Variants in SGCZ observed in about 807,000 individuals in gnomAD.
SGCZ encodes the protein sarcoglycan zeta.
A neutral mutation model predicts 41.3 loss-of-function variants in SGCZ; 40 were observed. The ratio of observed to expected loss-of-function variants is 0.97; its 90% confidence interval spans 0.75 to 1.26. The LOEUF (loss-of-function observed/expected upper bound fraction) is 1.26, where lower values mean the gene tolerates loss of function less well. Ranked by LOEUF, SGCZ falls within the 50% of genes most tolerant of loss-of-function variation. The probability of loss-of-function intolerance (pLI) is 0.00; values close to 1 mark genes in which losing one functional copy is unlikely to be tolerated. For synonymous variants in SGCZ, 206 were observed against 137.5 expected, an observed-to-expected ratio of 1.50 and a Z score of -3.49; for missense variants, 552 against 369.8, an observed-to-expected ratio of 1.49 and a Z score of -4.04.
intron 5 of SGCZ, among the ~76,000 whole-genome samples, chr8:14,157,143 G>C (rs1049956854): frequency 6.6e-6 from 1 of 151,738 alleles, no homozygotes; most frequent in Admixed American, 6.6e-5. Context: ...GTTGTGCTCT[G>C]ACCTTAGGAT....
chr8:15,084,249 TA>T (rs1477054078), intron 1 of SGCZ, among the ~76,000 whole-genome samples: 1 of 152,214 alleles, frequency 6.6e-6, no homozygotes, highest in African/African-American at 2.4e-5. Context: ...CATCTTCTGA[TA>T]AGTATTTCTA....
At chr8:14,182,151 C>T (rs745606263) in intron 4 of SGCZ, among the ~76,000 whole-genome samples, 6 of 152,110 alleles carry the variant, frequency 3.9e-5, no homozygotes, top group Non-Finnish European at 7.4e-5. Context: ...TACTCAGGGA[C>T]TCTGACACAA....
chr8:14,149,490 C>T (rs1290365539), intron 5 of SGCZ, among the ~76,000 whole-genome samples: 1 of 151,806 alleles, frequency 6.6e-6, no homozygotes, highest in Non-Finnish European at 1.5e-5. Flanking sequence ...GTGATGGAAA[C>T]TATAAAACAC....
intron 1 of SGCZ, among the ~76,000 whole-genome samples, chr8:14,601,411 C>T (rs1805584901): frequency 6.6e-6 from 1 of 151,902 alleles, no homozygotes; most frequent in Non-Finnish European, 1.5e-5. Context: ...TATTAAAATA[C>T]AATAAATGGA....
chr8:14,356,513 A>G (rs1474507391), intron 2 of SGCZ, among the ~76,000 whole-genome samples: 1 of 152,218 alleles, frequency 6.6e-6, no homozygotes, highest in Non-Finnish European at 1.5e-5. Context: ...AAATGTCTTC[A>G]AGAATAAAGT....
intron 1 of SGCZ, among the ~76,000 whole-genome samples, chr8:14,732,837 G>A (rs762459132): frequency 3.9e-5 from 6 of 152,100 alleles, no homozygotes; most frequent in African/African-American, 1.2e-4. Flanking sequence ...ACATAACTAT[G>A]TACCACATCG....
intron 2 of SGCZ, among the ~76,000 whole-genome samples, chr8:14,381,284 T>A (rs951067230): frequency 6.6e-6 from 1 of 152,202 alleles, no homozygotes; most frequent in Admixed American, 6.5e-5. Flanking sequence ...GCTAGGAAGG[T>A]TCAGAGAGAG....
intron 4 of SGCZ, among the ~76,000 whole-genome samples, chr8:14,200,667 T>C (rs932730162): frequency 2.6e-5 from 4 of 152,094 alleles, no homozygotes; most frequent in Admixed American, 6.6e-5. Context: ...ATAGAAAAAA[T>C]AAGTCAAAAT....
At position 14,504,545 on chromosome 8, in the gene SGCZ, T is replaced by C. The variant is rs193265620; in HGVS notation, c.234+50187A>G. Among the ~76,000 whole-genome samples, 121 of 152,350 alleles carry C rather than the reference T, an allele frequency of 7.9e-4. 1 individual carries two copies. The highest frequency in any genetic ancestry group is 2.8e-3 in the African/African-American group (117 of 41,592). ...CTTTTATTATCTACCTGTTGTCACA[T>C]TGGCATGCCTTTCTTTCTTCTGCGT... is the stretch of plus-strand genomic sequence containing the variant. On this transcript the variant is annotated intron_variant, in intron 2 of 7. Coordinates refer to ENST00000382080, the MANE Select transcript of SGCZ (RefSeq NM_139167.4).
chr8:15,123,880 A>G (rs983447482), intron 1 of SGCZ, among the ~76,000 whole-genome samples: 11 of 151,986 alleles, frequency 7.2e-5, no homozygotes, highest in African/African-American at 2.7e-4. Flanking sequence ...GAATGGAAGA[A>G]GGAAGCAATG....
rs536141487 is a variant in SGCZ at position 15,195,166 on chromosome 8, A to G, written c.39+42419T>C. Among the ~76,000 whole-genome samples the G allele has an allele frequency of 2.6e-5, 4 of 152,306 alleles. No homozygotes were observed. In the South Asian group the frequency reaches 6.2e-4, roughly 24 times the overall value. On this transcript the variant is annotated intron_variant, in intron 1 of 7. Coordinates refer to ENST00000382080, the MANE Select transcript of SGCZ (RefSeq NM_139167.4). ...TAATACAGTCTCTAATCTAAGTCTT[A>G]TCTAGATCCCACTTCTTGCAGTGTC...
chr8:14,769,381 A>T (rs1334577698), intron 1 of SGCZ, among the ~76,000 whole-genome samples: 1 of 152,238 alleles, frequency 6.6e-6, no homozygotes, highest in Non-Finnish European at 1.5e-5. Context: ...AGAACAGAAT[A>T]ATGAGGACAG....
At chr8:14,099,945 CATCCATCATTTCATCCATCATTTT>C (rs1801961124) in intron 7 of SGCZ, among the ~76,000 whole-genome samples, 1 of 57,504 alleles carries the variant, frequency 1.7e-5, no homozygotes, top group African/African-American at 3.9e-5. Flanking sequence ...TTCTACATTT[CATCCATCATTTCATCCATCATTTT>C]AGATACCTCA....
chr8:14,615,783 C>T (rs189310142), intron 1 of SGCZ, among the ~76,000 whole-genome samples: 2 of 152,248 alleles, frequency 1.3e-5, no homozygotes, highest in Admixed American at 6.5e-5. Context: ...CTCTGTACCT[C>T]GCAACACAGA....
intron 1 of SGCZ, among the ~76,000 whole-genome samples, chr8:14,957,598 G>A (rs1800832856): frequency 6.6e-6 from 1 of 151,852 alleles, no homozygotes; most frequent in African/African-American, 2.4e-5. Flanking sequence ...TTTTACTTGA[G>A]GTAAACTCAA....
intron 1 of SGCZ, among the ~76,000 whole-genome samples, chr8:15,018,634 C>A (rs1395483425): frequency 6.6e-6 from 1 of 151,956 alleles, no homozygotes; most frequent in African/African-American, 2.4e-5. Flanking sequence ...AATGCAGGGA[C>A]AGAGGGGAGA....
chr8:14,820,633 T>C (rs888862029), intron 1 of SGCZ, among the ~76,000 whole-genome samples: 9 of 152,036 alleles, frequency 5.9e-5, no homozygotes, highest in Admixed American at 6.6e-5. Flanking sequence ...TCTGAACTCT[T>C]GTAAGTATCT....
chr8:14,474,695 A>C (rs2116987596), intron 2 of SGCZ, among the ~76,000 whole-genome samples: 1 of 152,358 alleles, frequency 6.6e-6, no homozygotes, highest in South Asian at 2.1e-4. Context: ...AACAACTTTG[A>C]AACCATACTC....
intron 1 of SGCZ, among the ~76,000 whole-genome samples, chr8:14,567,270 G>A (rs116593715): frequency 0.017 from 2,628 of 152,312 alleles, 77 homozygotes; most frequent in African/African-American, 0.06. Flanking sequence ...ACACCAGTGC[G>A]GGATCCACTG....
Sources: gnomAD v4.1 joint callset for allele counts (sites outside exome capture counted in the v4.1 genomes callset) on GRCh38, gnomAD v4.1.1 for gene constraint, MANE v1.5 for transcripts, NCBI Gene and HGNC (gene_info 2026-07-23, HGNC 2026-07-21) for gene names.